JMJD1C: variants seen among roughly 807,000 people sequenced by gnomAD.
JMJD1C encodes the protein jumonji domain-containing protein 1C.
A neutral mutation model predicts 245.3 loss-of-function variants in JMJD1C; 31 were observed. That is an observed-to-expected ratio of 0.13 (90% CI 0.09 to 0.17). The LOEUF is 0.17. Ranked by LOEUF, JMJD1C falls within the 10% of genes least tolerant of loss-of-function variation. The pLI, the probability that JMJD1C is intolerant of heterozygous loss-of-function variation, is 1.00. For missense variants in JMJD1C, 2,691 were observed against 3,000.2 expected (o/e 0.90, Z 2.41); for synonymous variants, 1,057 against 1,017.4 (o/e 1.04, Z -0.74).
intron 1 of JMJD1C, among the ~76,000 whole-genome samples, chr10:63,413,604 T>G (rs1346341731): frequency 6.6e-6 from 1 of 152,188 alleles, no homozygotes; most frequent in Non-Finnish European, 1.5e-5. Flanking sequence ...GCCAGGTAAC[T>G]TTTCTTCCGT....
intron 10 of JMJD1C, chr10:63,204,253 T>G: frequency 2.0e-6 from 2 of 985,208 alleles, no homozygotes; most frequent in Non-Finnish European, 2.4e-6. Context: ...AACAAATGGG[T>G]CATAAAACAG....
At chr10:63,420,714 CAAAA>C (rs35090799) in intron 1 of JMJD1C, among the ~76,000 whole-genome samples, 54 of 47,716 alleles carry the variant, frequency 1.1e-3, no homozygotes, top group Admixed American at 2.3e-3. Context: ...GACCCAGTCT[CAAAA>C]AAAAAAAAAA....
At chr10:63,378,607 CAA>C (rs2134485526) in intron 2 of JMJD1C, among the ~76,000 whole-genome samples, 1 of 152,144 alleles carries the variant, frequency 6.6e-6, no homozygotes, top group African/African-American at 2.4e-5. Flanking sequence ...AACAAAAAGG[CAA>C]AGATTTTTCT....
chr10:63,384,567 T>C (rs555443727), intron 1 of JMJD1C, among the ~76,000 whole-genome samples: 9 of 152,268 alleles, frequency 5.9e-5, no homozygotes, highest in Admixed American at 2.0e-4. Flanking sequence ...TTTCTCTGAG[T>C]AGTACATCTC....
intron 2 of JMJD1C, among the ~76,000 whole-genome samples, chr10:63,319,096 T>C (rs1389548859): frequency 6.6e-6 from 1 of 151,732 alleles, no homozygotes; most frequent in African/African-American, 2.4e-5. Context: ...CCGTCTCTAC[T>C]AAAAATACAA....
intron 1 of JMJD1C, among the ~76,000 whole-genome samples, chr10:63,414,032 G>T (rs10761759): frequency 0.66 from 98,280 of 148,512 alleles, 35,369 homozygotes; most frequent in Non-Finnish European, 0.81. Flanking sequence ...TGTCGACCAG[G>T]CTGGAGTGCA....
At chr10:63,168,395 A>C in intron 25 of JMJD1C, 40 bp downstream of exon 25, 1 of 1,562,632 alleles carries the variant, frequency 6.4e-7, no homozygotes, top group South Asian at 1.2e-5. Context: ...TCTGAATATA[A>C]AAAGCCTGAA....
chr10:63,407,801 A>C (rs2132638614), intron 1 of JMJD1C, among the ~76,000 whole-genome samples: 1 of 151,152 alleles, frequency 6.6e-6, no homozygotes, highest in East Asian at 2.0e-4. Context: ...ATCAAAATAC[A>C]ACAATCTGGA....
chr10:63,521,594 GC>G, intron 1 of JMJD1C: 1 of 1,400,186 alleles, frequency 7.1e-7, no homozygotes, highest in Non-Finnish European at 9.4e-7. Flanking sequence ...GCCTCTCACT[GC>G]GCCCTGCAGC....
At chr10:63,330,538 G>T (rs185664476) in intron 2 of JMJD1C, among the ~76,000 whole-genome samples, 5 of 151,898 alleles carry the variant, frequency 3.3e-5, no homozygotes, top group African/African-American at 1.2e-4. Context: ...AAAAGGGAGA[G>T]AATCAAAGAC....
At chr10:63,170,856 C>A (rs1190740173) in intron 24 of JMJD1C, among the ~76,000 whole-genome samples, 1 of 152,154 alleles carries the variant, frequency 6.6e-6, no homozygotes, top group Non-Finnish European at 1.5e-5. Flanking sequence ...CTTTTCTTTG[C>A]CACATTTGAC....
chr10:63,474,087 A>G (rs189397464), intron 1 of JMJD1C, among the ~76,000 whole-genome samples: 2 of 150,422 alleles, frequency 1.3e-5, no homozygotes, highest in Admixed American at 6.8e-5. Flanking sequence ...CACTTGGTAC[A>G]CTAAAAAAAA....
intron 1 of JMJD1C, among the ~76,000 whole-genome samples, chr10:63,437,926 T>C (rs1951148244): frequency 6.6e-6 from 1 of 152,176 alleles, no homozygotes. Flanking sequence ...CCCTTCTTTC[T>C]CATATATCTA....
intron 2 of JMJD1C, among the ~76,000 whole-genome samples, chr10:63,325,725 A>G (rs1432639917): frequency 1.3e-5 from 2 of 152,192 alleles, no homozygotes; most frequent in Non-Finnish European, 2.9e-5. Context: ...AACTTATAAT[A>G]TAACTGATAA....
At chr10:63,313,639 C>T (rs1939538522) in intron 2 of JMJD1C, among the ~76,000 whole-genome samples, 1 of 152,180 alleles carries the variant, frequency 6.6e-6, no homozygotes, top group Non-Finnish European at 1.5e-5. Flanking sequence ...GCTAATCTGA[C>T]TGGTGTGAGA....
chr10:63,427,906 C>T (rs1360709899), intron 1 of JMJD1C: 10 of 730,614 alleles, frequency 1.4e-5, no homozygotes, highest in Non-Finnish European at 2.5e-5. Context: ...AAGGACCTCA[C>T]CAGCAAGGCA....
At chr10:63,460,371 T>C (rs937000869) in intron 1 of JMJD1C, among the ~76,000 whole-genome samples, 1 of 151,924 alleles carries the variant, frequency 6.6e-6, no homozygotes. Context: ...AATTTAAAAA[T>C]TAGTTGGGTA....
intron 1 of JMJD1C, among the ~76,000 whole-genome samples, chr10:63,395,432 C>T (rs1049836462): frequency 3.3e-5 from 5 of 152,078 alleles, no homozygotes; most frequent in African/African-American, 1.2e-4. Flanking sequence ...GAGCCAAGAT[C>T]GCGCCACTGA....
At chr10:63,479,991 T>C (rs1012520670) in intron 1 of JMJD1C, among the ~76,000 whole-genome samples, 1 of 152,184 alleles carries the variant, frequency 6.6e-6, no homozygotes, top group Non-Finnish European at 1.5e-5. Flanking sequence ...TTGCCAAATA[T>C]ATATTTTTTA....
Sources: gnomAD v4.1 joint callset for allele counts (sites outside exome capture counted in the v4.1 genomes callset) on GRCh38, gnomAD v4.1.1 for gene constraint, MANE v1.5 for transcripts, NCBI Gene and HGNC (gene_info 2026-07-23, HGNC 2026-07-21) for gene names.